The following GK5 variants were observed in gnomAD, a reference collection of about 807,000 sequenced individuals.
The protein encoded by GK5 is glycerol kinase 5, also known as ATP:glycerol 3-phosphotransferase 5.
Under a neutral mutation model 77.3 loss-of-function variants are expected in GK5, and 39 were observed. The observed-to-expected ratio is 0.50, with a 90% CI of 0.39 to 0.66. The LOEUF (loss-of-function observed/expected upper bound fraction) is 0.66, where lower values mean the gene tolerates loss of function less well. GK5 is among the 30% of genes least tolerant of loss of function. The pLI is 0.00. For synonymous variants in GK5, 211 were observed against 208.0 expected (o/e 1.01, Z -0.13); for missense variants, 487 against 633.8 (o/e 0.77, Z 2.49).
At chr3:142,192,323 A>G (rs2063863757) in intron 5 of GK5, among the ~76,000 whole-genome samples, 1 of 152,240 alleles carries the variant, frequency 6.6e-6, no homozygotes. Flanking sequence ...AACTAAATGC[A>G]GTCTTACCAT....
chr3:142,211,711 T>C (rs1417441111), intron 3 of GK5, among the ~76,000 whole-genome samples: 2 of 152,194 alleles, frequency 1.3e-5, no homozygotes, highest in East Asian at 1.9e-4. Flanking sequence ...GGAGGATCCC[T>C]TGAGCCCACG....
At chr3:142,222,971 CAG>C (rs1262780010) in intron 1 of GK5, among the ~76,000 whole-genome samples, 3 of 152,230 alleles carry the variant, frequency 2.0e-5, no homozygotes, top group African/African-American at 7.2e-5. Flanking sequence ...TCCTACCACA[CAG>C]AGAGGCATTG....
chr3:142,192,742 C>T (rs550148829), intron 5 of GK5, among the ~76,000 whole-genome samples: 22 of 142,260 alleles, frequency 1.5e-4, no homozygotes, highest in Middle Eastern at 3.6e-3. Context: ...CCAGCCTGGG[C>T]GACAGAGTGA....
At chr3:142,188,457 C>T (rs1213277690) in intron 5 of GK5, among the ~76,000 whole-genome samples, 2 of 152,148 alleles carry the variant, frequency 1.3e-5, no homozygotes, top group African/African-American at 4.8e-5. Flanking sequence ...TGGCGTGAAG[C>T]TGGGAGGTGG....
At chr3:142,213,247 T>A (rs1284972205) in intron 3 of GK5, among the ~76,000 whole-genome samples, 3 of 152,226 alleles carry the variant, frequency 2.0e-5, no homozygotes, top group East Asian at 1.9e-4. Context: ...ATTTTTTAGA[T>A]CTTTGATCTA....
At chr3:142,165,857 G>A (rs1351850186) in intron 15 of GK5, 87 bp from the exon 16 acceptor site, 3 of 812,730 alleles carry the variant, frequency 3.7e-6, no homozygotes, top group Admixed American at 6.2e-5. Context: ...GTTGCTGGTA[G>A]AAAGGTAAAC....
intron 15 of GK5, among the ~76,000 whole-genome samples, chr3:142,168,507 C>T (rs2108779357): frequency 6.6e-6 from 1 of 152,250 alleles, no homozygotes; most frequent in South Asian, 2.1e-4. Context: ...CTTTAATGTA[C>T]TATTAGCCTA....
At chr3:142,212,379 C>CA (rs1352626304) in intron 3 of GK5, among the ~76,000 whole-genome samples, 1 of 151,698 alleles carries the variant, frequency 6.6e-6, no homozygotes, top group Non-Finnish European at 1.5e-5. Flanking sequence ...ACAAAAAATA[C>CA]AAAAAAATTA....
At chr3:142,179,072 T>G (rs2063659630) in intron 11 of GK5, among the ~76,000 whole-genome samples, 1 of 152,248 alleles carries the variant, frequency 6.6e-6, no homozygotes, top group Non-Finnish European at 1.5e-5. Context: ...GACTTCTGAA[T>G]GAGTATGTAG....
rs149380123 is a variant in GK5, at chr3:142,158,145, G to A, written c.*7477C>T. The A allele has an allele frequency of 0.094, 14,362 of 152,208 alleles. 728 individuals carry two copies. The highest frequency in any genetic ancestry group is 0.12 in the Middle Eastern group (36 of 296). The allele number at this position is 152,208 out of a possible 1,614,324, so 9.4% of individuals were successfully genotyped here. ...TTTTTGTATTTTTAGTAGAGACAGG[G>A]TTTCACCATGTTAGCCAGGATGGTC... On this transcript the variant is annotated 3_prime_UTR_variant, in exon 16 of 16. Transcript: ENST00000392993.
intron 11 of GK5, among the ~76,000 whole-genome samples, chr3:142,178,044 G>A (rs148208567): frequency 0.019 from 2,820 of 152,060 alleles, 40 homozygotes; most frequent in Middle Eastern, 0.034. Flanking sequence ...TTTTAGTAGA[G>A]ATGGGGTTTC....
intron 10 of GK5, among the ~76,000 whole-genome samples, chr3:142,182,651 TA>T (rs1215478618): frequency 4.6e-5 from 7 of 152,074 alleles, no homozygotes. Flanking sequence ...GCCCGGCCCC[TA>T]GTAAGGAGTT....
At chr3:142,218,164 G>A (rs540522011) in intron 1 of GK5, among the ~76,000 whole-genome samples, 2 of 150,790 alleles carry the variant, frequency 1.3e-5, no homozygotes, top group African/African-American at 2.4e-5. Flanking sequence ...AAGTACAGGG[G>A]CAATTCCATG....
intron 3 of GK5, among the ~76,000 whole-genome samples, chr3:142,211,529 C>T (rs551813107): frequency 4.6e-5 from 7 of 152,296 alleles, no homozygotes; most frequent in East Asian, 3.9e-4. Flanking sequence ...TGGTGGCTCA[C>T]GCCTGTAATC....
intron 8 of GK5, 73 bp from the exon 9 acceptor site, chr3:142,186,062 T>C: frequency 7.4e-7 from 1 of 1,346,356 alleles, no homozygotes; most frequent in Non-Finnish European, 1.1e-6. Flanking sequence ...CAAATTGTTT[T>C]TTTGCATAAG....
At position 142,164,530 on chromosome 3, in the gene GK5, G is replaced by A. The variant is rs936999288; in HGVS notation, c.*1092C>T. The A allele has an allele frequency of 6.6e-6, 1 of 152,264 alleles. No individual in the cohort carries two copies. The highest frequency in any genetic ancestry group is 2.4e-5 in the African/African-American group (1 of 41,448). 9.4% of individuals were successfully genotyped at this position (152,264 alleles called of 1,614,324 possible). A position where few individuals can be genotyped will look rare whatever the true frequency, so the allele number is the denominator to read the frequency against. On this transcript the variant is annotated 3_prime_UTR_variant, in exon 16 of 16. Coordinates refer to ENST00000392993, the MANE Select transcript of GK5 (RefSeq NM_001039547.3). ...TGTGAAACTGTCCTTGTTGCTCCCT[G>A]TGGATCTCTGGCTGAGTGGCTAAAG...
Position 142,163,639 on chromosome 3 carries a change from A to T in GK5, c.*1983T>A, listed in dbSNP as rs2063443527. On this transcript the variant is annotated 3_prime_UTR_variant, in exon 16 of 16. Transcript: ENST00000392993. ...GAACGTGGAAAAGAAGTGAACTAAC[A>T]AATTTTCAGGTATTAATATTACAAT... 1 of 152,164 alleles carries T rather than the reference A, an allele frequency of 6.6e-6. No homozygotes were observed. Among genetic ancestry groups the T allele is most frequent in the Non-Finnish European group, 1.5e-5 (1 of 68,042 alleles). 9.4% of individuals were successfully genotyped at this position (152,164 alleles called of 1,614,324 possible).
intron 10 of GK5, among the ~76,000 whole-genome samples, chr3:142,182,650 C>T (rs1315709430): frequency 1.3e-5 from 2 of 151,980 alleles, no homozygotes; most frequent in East Asian, 3.9e-4. Context: ...TGCCCGGCCC[C>T]TAGTAAGGAG....
intron 4 of GK5, among the ~76,000 whole-genome samples, chr3:142,201,133 C>T (rs1347985923): frequency 6.6e-6 from 1 of 151,970 alleles, no homozygotes; most frequent in Non-Finnish European, 1.5e-5. Flanking sequence ...GGTTTTTATC[C>T]CAGAGAAATG....
Sources: allele counts gnomAD v4.1 joint callset (sites outside exome capture counted in the v4.1 genomes callset), GRCh38; gene constraint gnomAD v4.1.1; transcripts MANE v1.5; gene names NCBI Gene and HGNC (gene_info 2026-07-23, HGNC 2026-07-21).